Variants in ZNF536 observed in about 807,000 individuals in gnomAD.
The protein encoded by ZNF536 is zinc finger protein 536.
A neutral mutation model predicts 84.5 loss-of-function variants in ZNF536; 13 were observed. The ratio of observed to expected loss-of-function variants is 0.15; its 90% CI spans 0.10 to 0.24. The LOEUF (loss-of-function observed/expected upper bound fraction) is 0.24. ZNF536 is among the 10% of genes least tolerant of loss of function. The pLI, the probability that ZNF536 is intolerant of heterozygous loss-of-function variation, is 1.00. For missense variants in ZNF536, 1,536 were observed against 1,747.5 expected (o/e 0.88, Z 2.16); for synonymous variants, 811 against 742.5 (o/e 1.09, Z -1.50).
chr19:30,265,711 A>G (rs527287202), intron 1 of ZNF536, among the ~76,000 whole-genome samples: 2 of 152,032 alleles, frequency 1.3e-5, no homozygotes, highest in African/African-American at 4.8e-5. Flanking sequence ...TTTTTTCGTC[A>G]TGGTTCCAGC....
At chr19:30,525,215 C>T (rs1361566041) in intron 2 of ZNF536, among the ~76,000 whole-genome samples, 1 of 152,156 alleles carries the variant, frequency 6.6e-6, no homozygotes, top group African/African-American at 2.4e-5. Flanking sequence ...GCCCCTTCCT[C>T]CAGGAAGCCT....
intron 2 of ZNF536, among the ~76,000 whole-genome samples, chr19:30,527,219 CTTTTTTTTTTT>C (rs56404227): frequency 0.11 from 11,876 of 106,142 alleles, 884 homozygotes; most frequent in Non-Finnish European, 0.16. Flanking sequence ...ACCCAGCCTC[CTTTTTTTTTTT>C]TTTTTTTTTT....
At chr19:30,290,479 C>A (rs1483710793) in intron 2 of ZNF536, among the ~76,000 whole-genome samples, 1 of 151,964 alleles carries the variant, frequency 6.6e-6, no homozygotes, top group African/African-American at 2.4e-5. Flanking sequence ...TCTATGTTGC[C>A]CAGGCTGCAC....
chr19:30,531,615 A>C (rs2044824938), intron 2 of ZNF536, among the ~76,000 whole-genome samples: 1 of 151,914 alleles, frequency 6.6e-6, no homozygotes, highest in African/African-American at 2.4e-5. Flanking sequence ...CTGCCCTTGG[A>C]ATCCCCAGTG....
At chr19:30,258,961 G>T (rs2025051687) in intron 1 of ZNF536, among the ~76,000 whole-genome samples, 1 of 152,050 alleles carries the variant, frequency 6.6e-6, no homozygotes, top group Admixed American at 6.5e-5. Flanking sequence ...CAAGTGATCT[G>T]CCTGCCTTGG....
intron 1 of ZNF536, among the ~76,000 whole-genome samples, chr19:30,670,404 A>G (rs578035580): frequency 7.2e-5 from 11 of 152,214 alleles, no homozygotes; most frequent in African/African-American, 2.7e-4. Flanking sequence ...GGTCACGATG[A>G]CTGCACCTGT....
chr19:30,688,768 T>C (rs577241776), intron 1 of ZNF536, among the ~76,000 whole-genome samples: 1 of 152,322 alleles, frequency 6.6e-6, no homozygotes, highest in African/African-American at 2.4e-5. Flanking sequence ...CTGAGTTGCT[T>C]CTAAGGCGAG....
At chr19:30,690,759 G>A (rs1392500037) in intron 1 of ZNF536, among the ~76,000 whole-genome samples, 2 of 152,100 alleles carry the variant, frequency 1.3e-5, no homozygotes, top group Non-Finnish European at 2.9e-5. Context: ...TGGAAGGATC[G>A]TAGTAATTGG....
At chr19:30,419,284 G>A (rs1372901293) in intron 1 of ZNF536, among the ~76,000 whole-genome samples, 1 of 152,186 alleles carries the variant, frequency 6.6e-6, no homozygotes, top group Non-Finnish European at 1.5e-5. Flanking sequence ...CATTTGGGGT[G>A]TCTGAGTGTT....
chr19:30,286,718 A>G (rs1424440490), intron 2 of ZNF536, among the ~76,000 whole-genome samples: 1 of 152,270 alleles, frequency 6.6e-6, no homozygotes, highest in Non-Finnish European at 1.5e-5. Context: ...TTTTGAATAC[A>G]AAATTTATAT....
chr19:30,463,150 G>A (rs1391177230), intron 2 of ZNF536, among the ~76,000 whole-genome samples: 1 of 152,156 alleles, frequency 6.6e-6, no homozygotes, highest in African/African-American at 2.4e-5. Flanking sequence ...TGGATTGGGG[G>A]TGCATGTGTG....
chr19:30,642,155 A>G (rs564309714), intron 1 of ZNF536, among the ~76,000 whole-genome samples: 158 of 152,296 alleles, frequency 1.0e-3, no homozygotes, highest in African/African-American at 3.7e-3. Flanking sequence ...AGATTGACTC[A>G]TGTAAGGAAC....
chr19:30,248,390 C>A (rs1471923896), intron 1 of ZNF536, among the ~76,000 whole-genome samples: 1 of 133,776 alleles, frequency 7.5e-6, no homozygotes, highest in Non-Finnish European at 1.5e-5. Flanking sequence ...CCACCATGCC[C>A]TGCTAATTTT....
chr19:30,493,997 T>G (rs2054614503), intron 2 of ZNF536, among the ~76,000 whole-genome samples: 1 of 152,104 alleles, frequency 6.6e-6, no homozygotes, highest in South Asian at 2.1e-4. Flanking sequence ...ATAGTTAAAA[T>G]ATTAATAGCA....
rs1431863739 is a variant in ZNF536 at position 30,626,306 on chromosome 19, A to AT, written c.169+76792_169+76793insT. Among the ~76,000 whole-genome samples, 13 of 152,010 alleles carry AT rather than the reference A, an allele frequency of 8.6e-5. 1 individual carries two copies. Among genetic ancestry groups the AT allele is most frequent in the African/African-American group, 2.7e-4 (11 of 41,368 alleles). ...AATTTAGCAATTTTTTCCCCTTCCT[A>AT]ATTATCTTCTATATTTTTGCCAGAT... On this transcript the variant is annotated intron_variant, in intron 1 of 1. Coordinates refer to the ZNF536 transcript ENST00000592773.
At chr19:30,290,054 A>G (rs2045782870) in intron 2 of ZNF536, among the ~76,000 whole-genome samples, 1 of 152,118 alleles carries the variant, frequency 6.6e-6, no homozygotes, top group Non-Finnish European at 1.5e-5. Context: ...AGGTCGTGGC[A>G]TCCACTATGC....
intron 2 of ZNF536, among the ~76,000 whole-genome samples, chr19:30,510,522 A>G (rs2055364750): frequency 6.6e-6 from 1 of 152,160 alleles, no homozygotes; most frequent in Non-Finnish European, 1.5e-5. Flanking sequence ...TTGGGCAGTG[A>G]TAGCTTTAGG....
At chr19:30,240,090 C>T (rs1057236870) in intron 1 of ZNF536, among the ~76,000 whole-genome samples, 7 of 152,074 alleles carry the variant, frequency 4.6e-5, no homozygotes, top group East Asian at 1.9e-4. Context: ...TCTGAGGGGC[C>T]GGGCATGGTG....
intron 1 of ZNF536, among the ~76,000 whole-genome samples, chr19:30,620,366 AC>A (rs2048440676): frequency 6.6e-6 from 1 of 152,136 alleles, no homozygotes; most frequent in African/African-American, 2.4e-5. Flanking sequence ...ACACACACAC[AC>A]ACACAAATAC....
Sources: gnomAD v4.1 joint callset for allele counts (sites outside exome capture counted in the v4.1 genomes callset) on GRCh38, gnomAD v4.1.1 for gene constraint, MANE v1.5 for transcripts, NCBI Gene and HGNC (gene_info 2026-07-23, HGNC 2026-07-21) for gene names.